The following RBMS3 variants were observed in gnomAD, a reference collection of about 807,000 sequenced individuals.
RBMS3 encodes RNA-binding motif, single-stranded-interacting protein 3.
Under a neutral mutation model 66.8 loss-of-function variants are expected in RBMS3, and 27 were observed. The observed-to-expected ratio is 0.40, with a 90% CI of 0.30 to 0.56. The LOEUF (loss-of-function observed/expected upper bound fraction) is 0.56, where lower values mean the gene tolerates loss of function less well. RBMS3 is among the 20% of genes least tolerant of loss of function. The pLI is 0.40. For missense variants in RBMS3, 513 were observed against 549.5 expected (o/e 0.93, Z 0.66); for synonymous variants, 188 against 183.0 (o/e 1.03, Z -0.22).
At position 29,762,113 on chromosome 3, in the gene RBMS3, A is replaced by T. The variant is rs146174492; in HGVS notation, c.558-797A>T. On this transcript the variant is annotated intron_variant, in intron 5 of 14. Coordinates refer to ENST00000383767, the MANE Select transcript of RBMS3 (RefSeq NM_001003793.3). ...GTATGGCTCAAAATGTTCATGCTTT[A>T]GGTTGTATGTGAGATGCCAAAATTT... Among the ~76,000 whole-genome samples the T allele has an allele frequency of 8.1e-3, 1,240 of 152,292 alleles. 11 individuals carry two copies. The highest frequency in any genetic ancestry group is 0.031 in the Middle Eastern group (9 of 294).
intron 3 of RBMS3, among the ~76,000 whole-genome samples, chr3:29,543,407 A>C (rs773405953): frequency 3.9e-5 from 6 of 152,308 alleles, no homozygotes; most frequent in Middle Eastern, 3.4e-3. Flanking sequence ...AATAAATAAA[A>C]GGATCAAAAA....
chr3:29,976,421 C>G (rs1189840589), intron 12 of RBMS3, among the ~76,000 whole-genome samples: 1 of 152,062 alleles, frequency 6.6e-6, no homozygotes, highest in African/African-American at 2.4e-5. Context: ...GTACCTTAAG[C>G]AAATAGCCTC....
At chr3:29,313,359 A>T (rs1421431341) in intron 1 of RBMS3, among the ~76,000 whole-genome samples, 2 of 151,740 alleles carry the variant, frequency 1.3e-5, no homozygotes, top group African/African-American at 4.8e-5. Context: ...CACTGCCTCG[A>T]GTAGAGAAAG....
At chr3:29,618,773 G>A (rs115514911) in intron 4 of RBMS3, among the ~76,000 whole-genome samples, 2,712 of 152,180 alleles carry the variant, frequency 0.018, 88 homozygotes, top group African/African-American at 0.059. Context: ...TCTAAATGCC[G>A]TAATAATTTT....
At chr3:29,461,308 A>G (rs368276722) in intron 2 of RBMS3, among the ~76,000 whole-genome samples, 9 of 152,206 alleles carry the variant, frequency 5.9e-5, no homozygotes, top group African/African-American at 1.9e-4. Context: ...CCTTATGCCT[A>G]TGCTTCTTTC....
Position 29,322,815 on chromosome 3 carries a change from C to CTTG in RBMS3, c.75+41060_75+41061insTGT, listed in dbSNP as rs2035086439. Among the ~76,000 whole-genome samples, 3 of 152,080 alleles carry CTTG rather than the reference C, an allele frequency of 2.0e-5. No individual in the cohort carries two copies. In the South Asian group the frequency reaches 6.2e-4, roughly 31 times the overall value. ...ATGATTGACAGAAGCTCTTTAGCTACTCAAGTCCAAGAGGGTAGCACCTCT... is the reference window on the plus strand; with the variant it reads ...ATGATTGACAGAAGCTCTTTAGCTACTTGTCAAGTCCAAGAGGGTAGCACCTCT... On this transcript the variant is annotated intron_variant, in intron 1 of 14. Coordinates refer to ENST00000383767, the MANE Select transcript of RBMS3 (RefSeq NM_001003793.3).
At chr3:29,610,242 T>G (rs769309721) in intron 4 of RBMS3, among the ~76,000 whole-genome samples, 1 of 152,054 alleles carries the variant, frequency 6.6e-6, no homozygotes, top group South Asian at 2.1e-4. Flanking sequence ...GACAGATTAA[T>G]GTACAAACAT....
chr3:29,825,199 C>A (rs1432201528), intron 6 of RBMS3, among the ~76,000 whole-genome samples: 1 of 151,940 alleles, frequency 6.6e-6, no homozygotes, highest in African/African-American at 2.4e-5. Flanking sequence ...CCACACCTGG[C>A]TAATTTTTTG....
At chr3:29,808,428 A>G (rs904555685) in intron 6 of RBMS3, among the ~76,000 whole-genome samples, 4 of 152,024 alleles carry the variant, frequency 2.6e-5, no homozygotes, top group Non-Finnish European at 5.9e-5. Flanking sequence ...CACCTTCTAA[A>G]GCCAAGTGAC....
intron 7 of RBMS3, among the ~76,000 whole-genome samples, chr3:29,870,093 C>A (rs1235325593): frequency 2.0e-5 from 3 of 152,068 alleles, no homozygotes; most frequent in Non-Finnish European, 4.4e-5. Flanking sequence ...ACATGAAAAA[C>A]AGAATCATCA....
chr3:29,498,745 C>T (rs886221694), intron 3 of RBMS3, among the ~76,000 whole-genome samples: 1 of 152,192 alleles, frequency 6.6e-6, no homozygotes, highest in Non-Finnish European at 1.5e-5. Flanking sequence ...CGGGCACATA[C>T]ATCAGGCAAA....
intron 5 of RBMS3, among the ~76,000 whole-genome samples, chr3:29,760,928 C>A (rs191347259): frequency 1.4e-4 from 21 of 152,062 alleles, no homozygotes; most frequent in African/African-American, 4.6e-4. Context: ...TTGATTCATT[C>A]TGAAGACTTT....
At chr3:29,556,720 A>T (rs2046380555) in intron 3 of RBMS3, among the ~76,000 whole-genome samples, 1 of 152,088 alleles carries the variant, frequency 6.6e-6, no homozygotes, top group Admixed American at 6.6e-5. Flanking sequence ...CCCAGACTTG[A>T]GTGTATTTCT....
intron 5 of RBMS3, among the ~76,000 whole-genome samples, chr3:29,754,260 G>A (rs1035567535): frequency 1.4e-4 from 21 of 152,040 alleles, no homozygotes; most frequent in African/African-American, 5.1e-4. Flanking sequence ...GCTAAAAGAT[G>A]GGAAAACTCT....
chr3:29,526,874 C>T (rs2045136201), intron 3 of RBMS3, among the ~76,000 whole-genome samples: 1 of 100,452 alleles, frequency 1.0e-5, no homozygotes, highest in African/African-American at 4.9e-5. Flanking sequence ...GTTGCTTACT[C>T]TTCCCTCACC....
At chr3:29,357,151 A>G (rs549285898) in intron 1 of RBMS3, among the ~76,000 whole-genome samples, 6 of 152,172 alleles carry the variant, frequency 3.9e-5, no homozygotes, top group Non-Finnish European at 7.4e-5. Context: ...TGCACCCATT[A>G]ACTCGTCATT....
At chr3:29,439,843 T>C (rs2041550335) in intron 2 of RBMS3, among the ~76,000 whole-genome samples, 1 of 152,106 alleles carries the variant, frequency 6.6e-6, no homozygotes, top group Non-Finnish European at 1.5e-5. Context: ...AAAGGCAATG[T>C]AATAAAAACT....
chr3:29,582,532 C>T (rs1329988779), intron 3 of RBMS3, among the ~76,000 whole-genome samples: 13 of 152,242 alleles, frequency 8.5e-5, no homozygotes, highest in African/African-American at 1.9e-4. Context: ...GAGAGTGAGA[C>T]GGGTGGGCTT....
chr3:29,436,777 G>A (rs1217433499), intron 2 of RBMS3, among the ~76,000 whole-genome samples: 2 of 152,200 alleles, frequency 1.3e-5, no homozygotes, highest in African/African-American at 4.8e-5. Context: ...CTGGGCCCAA[G>A]GAATTATGAT....
Sources: allele counts gnomAD v4.1 joint callset (sites outside exome capture counted in the v4.1 genomes callset), GRCh38; gene constraint gnomAD v4.1.1; transcripts MANE v1.5; gene names NCBI Gene and HGNC (gene_info 2026-07-23, HGNC 2026-07-21).